GCC1: variants seen among roughly 807,000 people sequenced by gnomAD.
GCC1 encodes GRIP and coiled-coil domain-containing protein 1.
A neutral mutation model predicts 62.5 loss-of-function variants in GCC1; 36 were observed. That is an observed-to-expected ratio of 0.58 (90% CI 0.44 to 0.76). The LOEUF (loss-of-function observed/expected upper bound fraction) is 0.76. GCC1 is among the 30% of genes least tolerant of loss of function. GCC1 has a pLI of 0.00. For synonymous variants in GCC1, 391 were observed against 386.8 expected (o/e 1.01, Z -0.13); for missense variants, 885 against 948.3 (o/e 0.93, Z 0.88).
chr7:127,584,103 C>T, intron 1 of GCC1, 48 bp downstream of exon 1: 1 of 1,535,130 alleles, frequency 6.5e-7, no homozygotes, highest in African/African-American at 1.4e-5. Flanking sequence ...CCTAATATTT[C>T]TCACTTCAGG....
Position 127,585,221 on chromosome 7 carries a change from C to A in GCC1, c.-39G>T. 1 of 1,530,996 alleles carries A rather than the reference C, an allele frequency of 6.5e-7. No individual in the cohort carries two copies. Among genetic ancestry groups the A allele is most frequent in the Non-Finnish European group, 8.8e-7 (1 of 1,140,818 alleles). 94.8% of individuals were successfully genotyped at this position (1,530,996 alleles called of 1,614,324 possible). ...GGATTGCCCCACGTCAGCTTTCCAGCAGAACGGGAGAGGGCCGTGAAGACG... is the reference window on the plus strand; with the variant it reads ...GGATTGCCCCACGTCAGCTTTCCAGAAGAACGGGAGAGGGCCGTGAAGACG... On this transcript the variant is annotated 5_prime_UTR_variant, in exon 1 of 2. Transcript: ENST00000321407.
rs747580162 is a variant in GCC1, at chr7:127,585,571, C to G, written c.-389G>C. 5.4e-6 allele frequency: 1 copy of G among 185,756 alleles called. No individual in the cohort carries two copies. The highest frequency in any genetic ancestry group is 1.4e-4 in the East Asian group (1 of 7,032). The allele number at this position is 185,756 out of a possible 1,614,324, so 11.5% of individuals were successfully genotyped here. A position where few individuals can be genotyped will look rare whatever the true frequency, so the allele number is the denominator to read the frequency against. On this transcript the variant is annotated 5_prime_UTR_variant, in exon 1 of 2. Transcript: ENST00000321407. ...GCTGAGCTCGGTCCCATCACGACAT[C>G]CTAACTAAAGCTGCCTGCCGACAAC...
At position 127,584,294 on chromosome 7, in the gene GCC1, G is replaced by A. The variant is rs139439757; in HGVS notation, c.889C>T (p.Arg297Cys). The A allele has an allele frequency of 3.0e-4, 486 of 1,613,484 alleles. 1 individual carries two copies. In the African/African-American group the frequency reaches 5.7e-3, roughly 19 times the overall value. ...GFELQTKQLT[R>C]EVEELKSELQ... ...TCACTTTTCAGCTCCTCCACCTCAC[G>A]GGTCAGCTGCTTGGTCTGCAGTTCA... Residue 297 changes from arginine to cysteine, a missense_variant, in exon 1 of 2, where the codon CGT becomes TGT. Coordinates refer to ENST00000321407, the MANE Select transcript of GCC1 (RefSeq NM_024523.6).
chr7:127,584,107 C>A (rs369564480), intron 1 of GCC1, 44 bp downstream of exon 1: 37 of 1,558,022 alleles, frequency 2.4e-5, no homozygotes, highest in Non-Finnish European at 3.0e-5. Flanking sequence ...ATATTTCTCA[C>A]TTCAGGTCAA....
At position 127,583,130 on chromosome 7, in the gene GCC1, C is replaced by A. The variant is rs1186846345; in HGVS notation, c.1212G>T (p.Glu404Asp). The change falls in exon 2 of 2, where the codon GAG becomes GAT. Residue 404 changes from glutamate to aspartate, a missense_variant. By Grantham distance (45) the Glu-to-Asp change is conservative. Coordinates refer to ENST00000321407, the MANE Select transcript of GCC1 (RefSeq NM_024523.6). ...AGGCTGCTAGAGCCAGTGTCTTGTT[C>A]TCCAGGTCCAGCTGCAGAATGCGCT... ...LKERILQLDL[E>D]NKTLALAASS... 1 of 1,614,130 alleles carries A rather than the reference C, an allele frequency of 6.2e-7. No homozygotes were observed. Among genetic ancestry groups the A allele is most frequent in the South Asian group, 1.1e-5 (1 of 91,076 alleles).
In GCC1 at chr7:127,583,026, A is replaced by G. The variant is rs759319387; in HGVS notation, c.1316T>C (p.Leu439Pro). ...GGCCGCAACCTGCAGCAGCCTCTTC[A>G]GCTTCTCCATCTTATCTTTCAGGAC... ...VNVLKDKMEK[L>P]KRLLQVAARK... Residue 439 changes from leucine to proline, a missense_variant, in exon 2 of 2, where the codon CTG becomes CCG. By Grantham distance (98) the Leu-to-Pro change is moderately conservative. Transcript: ENST00000321407. 1.9e-6 allele frequency: 3 copies of G among 1,613,976 alleles called. No individual in the cohort carries two copies. In the South Asian group the frequency reaches 3.3e-5, roughly 18 times the overall value.
chr7:127,585,366 C>G lies in GCC1; in HGVS notation c.-184G>C, dbSNP rs1794190459. Reference sequence around the variant, plus strand: ...GGACGGACTGGCGAAAGCGGCCGCCCGGTCCCAGGCCCGGAGGGCTGGGGC... The same window carrying G: ...GGACGGACTGGCGAAAGCGGCCGCCGGGTCCCAGGCCCGGAGGGCTGGGGC... On this transcript the variant is annotated 5_prime_UTR_variant, in exon 1 of 2. Coordinates refer to ENST00000321407, the MANE Select transcript of GCC1 (RefSeq NM_024523.6). 1 of 616,870 alleles carries G rather than the reference C, an allele frequency of 1.6e-6. No homozygotes were observed. Among genetic ancestry groups the G allele is most frequent in the South Asian group, 2.1e-5 (1 of 47,356 alleles). 38.2% of individuals were successfully genotyped at this position (616,870 alleles called of 1,614,324 possible). A position where few individuals can be genotyped will look rare whatever the true frequency, so the allele number is the denominator to read the frequency against.
rs550336450 is a variant in GCC1, at chr7:127,585,202, C to T, written c.-20G>A. The T allele has an allele frequency of 6.5e-7, 1 of 1,549,870 alleles. No homozygotes were observed. The highest frequency in any genetic ancestry group is 2.0e-5 in the Admixed American group (1 of 50,630). On this transcript the variant is annotated 5_prime_UTR_variant, in exon 1 of 2. Transcript: ENST00000321407. ...CTCCATGGAGGGTCTGAACGGATTG[C>T]CCCACGTCAGCTTTCCAGCAGAACG...
rs1251005921 is a variant in GCC1 at position 127,581,862 on chromosome 7, G to A, written c.*152C>T. 7.8e-6 allele frequency: 5 copies of A among 639,134 alleles called. No individual in the cohort carries two copies. Among genetic ancestry groups the A allele is most frequent in the Admixed American group, 2.9e-5 (1 of 34,220 alleles). 39.6% of individuals were successfully genotyped at this position (639,134 alleles called of 1,614,324 possible). On this transcript the variant is annotated 3_prime_UTR_variant, in exon 2 of 2. Transcript: ENST00000321407. Reference sequence around the variant, plus strand: ...GGATAAAGCAGCATTAATGGCATTTGGCAGAAAATCCCTTCCCACATTGAA... The same window carrying A: ...GGATAAAGCAGCATTAATGGCATTTAGCAGAAAATCCCTTCCCACATTGAA...
chr7:127,582,592 C>A lies in GCC1; in HGVS notation c.1750G>T (p.Glu584Ter), dbSNP rs372791694. 1.2e-6 allele frequency: 2 copies of A among 1,612,430 alleles called. No individual in the cohort carries two copies. Among genetic ancestry groups the A allele is most frequent in the Non-Finnish European group, 1.7e-6 (2 of 1,179,974 alleles). ...FRDRTLKLEE[E>*]LHKQRDRALA... ...GCACGATCCCGCTGCTTGTGCAGCT[C>A]CTCCTCCAGTTTCAGTGTGCGGTCC... The change falls in exon 2 of 2, where the codon GAG (glutamate) becomes TAG (stop). Residue 584 changes from glutamate to a stop codon, truncating the protein, a stop_gained. Transcript: ENST00000321407. LOFTEE classifies it high-confidence loss of function. The surrounding 1 kb of genome is among the most constrained non-coding windows in gnomAD (Gnocchi z 4.8).
chr7:127,582,670 G>T lies in GCC1; in HGVS notation c.1672C>A (p.Arg558=). Residue 558 remains arginine, a synonymous_variant, in exon 2 of 2, where the codon CGG becomes AGG. Coordinates refer to ENST00000321407, the MANE Select transcript of GCC1 (RefSeq NM_024523.6). The surrounding 1 kb of genome is among the most constrained non-coding windows in gnomAD (Gnocchi z 4.8). The part of the protein sequence containing the change: ...EADDWKQELA[R]LQQLHRQELE... ...TCCTGCCGGTGGAGCTGCTGCAGCCGGGCCAGCTCCTGCTTCCAGTCATCA... is the reference window on the plus strand; with the variant it reads ...TCCTGCCGGTGGAGCTGCTGCAGCCTGGCCAGCTCCTGCTTCCAGTCATCA... 6.2e-7 allele frequency: 1 copy of T among 1,613,730 alleles called. No individual in the cohort carries two copies. Among genetic ancestry groups the T allele is most frequent in the Non-Finnish European group, 8.5e-7 (1 of 1,180,024 alleles).
rs1455369622 is a variant in GCC1 at position 127,581,309 on chromosome 7, AG to A, written c.*704del. On this transcript the variant is annotated 3_prime_UTR_variant, in exon 2 of 2. Coordinates refer to ENST00000321407, the MANE Select transcript of GCC1 (RefSeq NM_024523.6). Reference sequence around the variant, plus strand: ...AGGTTAAGGCAAGGATAGGCAAGAAAGGTCTATTTTAACCCTATCCAGGCAA... The same window carrying A: ...AGGTTAAGGCAAGGATAGGCAAGAAAGTCTATTTTAACCCTATCCAGGCAA... 22 of 152,262 alleles carry A rather than the reference AG, an allele frequency of 1.4e-4. No individual in the cohort carries two copies. The highest frequency in any genetic ancestry group is 5.3e-4 in the African/African-American group (22 of 41,468). 9.4% of individuals were successfully genotyped at this position (152,262 alleles called of 1,614,324 possible).
Position 127,581,824 on chromosome 7 carries a change from C to T in GCC1, c.*190G>A, listed in dbSNP as rs1404805225. The T allele has an allele frequency of 5.2e-5, 31 of 600,508 alleles. No homozygotes were observed. Among genetic ancestry groups the T allele is most frequent in the Middle Eastern group, 8.7e-4 (2 of 2,288 alleles). 37.2% of individuals were successfully genotyped at this position (600,508 alleles called of 1,614,324 possible). A position where few individuals can be genotyped will look rare whatever the true frequency, so the allele number is the denominator to read the frequency against. ...GATACTGCCCCAGGACTTTCAGTAT[C>T]TCTAGGGCCTAAGGATAAAGCAGCA... On this transcript the variant is annotated 3_prime_UTR_variant, in exon 2 of 2. Coordinates refer to ENST00000321407, the MANE Select transcript of GCC1 (RefSeq NM_024523.6).
In GCC1 at chr7:127,582,390, G is replaced by A; in HGVS notation, c.1952C>T (p.Pro651Leu). 1 of 1,614,174 alleles carries A rather than the reference G, an allele frequency of 6.2e-7. No homozygotes were observed. The highest frequency in any genetic ancestry group is 8.5e-7 in the Non-Finnish European group (1 of 1,180,028). Residue 651 changes from proline (P) to leucine (L), a missense_variant, in exon 2 of 2, where the codon CCC becomes CTC. Physicochemically the swap from Pro to Leu is moderately conservative, Grantham distance 98. Transcript: ENST00000321407. The surrounding 1 kb of genome is among the most constrained non-coding windows in gnomAD (Gnocchi z 4.8). ...QALQLAAANE[P>L]TFFLYAEQLA... ...TTGCTCAGCGTACAGAAAGAAAGTGGGCTCATTGGCCGCTGCAAGTTGTAA... is the reference window on the plus strand; with the variant it reads ...TTGCTCAGCGTACAGAAAGAAAGTGAGCTCATTGGCCGCTGCAAGTTGTAA...
In GCC1 at chr7:127,584,749, C is replaced by G; in HGVS notation, c.434G>C (p.Gly145Ala). The change falls in exon 1 of 2, where the codon GGG (glycine) becomes GCG (alanine). Residue 145 changes from glycine to alanine, a missense_variant. Physicochemically the swap from Gly to Ala is moderately conservative, Grantham distance 60. Coordinates refer to ENST00000321407, the MANE Select transcript of GCC1 (RefSeq NM_024523.6). ...CTCCCCACCTGCAAATGGCCCATCC[C>G]CACTGCTACTGCTAACGCCACTCTC... ...WSESGVSSSS[G>A]DGPFAGGEVD... is the part of the protein sequence containing the mutation. The G allele has an allele frequency of 6.2e-7, 1 of 1,614,208 alleles. No individual in the cohort carries two copies. Among genetic ancestry groups the G allele is most frequent in the South Asian group, 1.1e-5 (1 of 91,088 alleles).
chr7:127,584,172 C>G lies in GCC1; in HGVS notation c.1011G>C (p.Gln337His). The change falls in exon 1 of 2, where the codon CAG becomes CAC. Residue 337 changes from glutamine to histidine, a missense_variant. Physicochemically the swap from Gln to His is conservative, Grantham distance 24. Coordinates refer to ENST00000321407, the MANE Select transcript of GCC1 (RefSeq NM_024523.6). ...TTACCTTTCTCATTTCCTGCTGTAA[C>G]TGAGCCTGGAAATGGCTCTTAAGGC... ...AARLKSHFQA[Q>H]LQQEMRKTAL... 6.2e-7 allele frequency: 1 copy of G among 1,613,906 alleles called. No individual in the cohort carries two copies. The highest frequency in any genetic ancestry group is 2.2e-5 in the East Asian group (1 of 44,890).
chr7:127,583,059 T>C lies in GCC1; in HGVS notation c.1283A>G (p.Asp428Gly). 1 of 1,614,074 alleles carries C rather than the reference T, an allele frequency of 6.2e-7. No homozygotes were observed. Residue 428 changes from aspartate (D) to glycine (G), a missense_variant, in exon 2 of 2, where the codon GAT becomes GGT. Physicochemically the swap from Asp to Gly is moderately conservative, Grantham distance 94. Coordinates refer to ENST00000321407, the MANE Select transcript of GCC1 (RefSeq NM_024523.6). ...LDSHGEESSL[D>G]VNVLKDKMEK... ...CATCTTATCTTTCAGGACATTGACA[T>C]CCAGACTGGACTCCTCTCCATGGCT...
Position 127,584,197 on chromosome 7 carries a change from C to T in GCC1, c.986G>A (p.Arg329His), listed in dbSNP as rs1794171114. The T allele has an allele frequency of 3.1e-6, 5 of 1,613,832 alleles. No homozygotes were observed. Among genetic ancestry groups the T allele is most frequent in the Non-Finnish European group, 3.4e-6 (4 of 1,179,982 alleles). ...CTGAGCCTGGAAATGGCTCTTAAGGCGGGCAGCCTCTTCCTGAAGTTCTTG... is the reference window on the plus strand; with the variant it reads ...CTGAGCCTGGAAATGGCTCTTAAGGTGGGCAGCCTCTTCCTGAAGTTCTTG... Reference protein sequence around the residue: ...RLQELQEEAARLKSHFQAQLQ... With the variant: ...RLQELQEEAAHLKSHFQAQLQ... Residue 329 changes from arginine to histidine, a missense_variant, in exon 1 of 2, where the codon CGC (arginine) becomes CAC (histidine). Coordinates refer to ENST00000321407, the MANE Select transcript of GCC1 (RefSeq NM_024523.6).
rs1160701538 is a variant in GCC1 at position 127,585,195 on chromosome 7, C to T, written c.-13G>A. 1 of 1,565,060 alleles carries T rather than the reference C, an allele frequency of 6.4e-7. No homozygotes were observed. Among genetic ancestry groups the T allele is most frequent in the East Asian group, 2.3e-5 (1 of 44,434 alleles). ...CAAACTTCTCCATGGAGGGTCTGAA[C>T]GGATTGCCCCACGTCAGCTTTCCAG... On this transcript the variant is annotated 5_prime_UTR_variant, in exon 1 of 2. Coordinates refer to ENST00000321407, the MANE Select transcript of GCC1 (RefSeq NM_024523.6).
Sources: gnomAD v4.1 joint callset for allele counts on GRCh38, gnomAD v4.1.1 for gene constraint, Gnocchi (gnomAD v3.1) non-coding constraint, MANE v1.5 for transcripts, NCBI Gene and HGNC (gene_info 2026-07-23, HGNC 2026-07-21) for gene names.